The following ROBO1 variants were observed in gnomAD, a reference collection of about 807,000 sequenced individuals.
The protein encoded by ROBO1 is roundabout homolog 1.
A neutral mutation model predicts 195.9 loss-of-function variants in ROBO1; 149 were observed. That is an observed-to-expected ratio of 0.76 (90% CI 0.67 to 0.87). ROBO1 has a LOEUF of 0.87. Ranked by LOEUF, ROBO1 falls within the 40% of genes least tolerant of loss-of-function variation. The probability of loss-of-function intolerance (pLI) is 0.00; values close to 1 mark genes in which losing one functional copy is unlikely to be tolerated. For synonymous variants in ROBO1, 816 were observed against 733.2 expected, an observed-to-expected ratio of 1.11 and a Z score of -1.82; for missense variants, 1,933 against 2,068.3, an observed-to-expected ratio of 0.93 and a Z score of 1.27.
At chr3:79,562,441 G>A (rs1168168203) in intron 2 of ROBO1, among the ~76,000 whole-genome samples, 2 of 152,038 alleles carry the variant, frequency 1.3e-5, no homozygotes, top group African/African-American at 4.8e-5. Flanking sequence ...ATCATCACTG[G>A]TCATTAGAGA....
At chr3:79,420,969 C>T (rs776686300) in intron 2 of ROBO1, among the ~76,000 whole-genome samples, 1 of 152,052 alleles carries the variant, frequency 6.6e-6, no homozygotes, top group Non-Finnish European at 1.5e-5. Context: ...GAAATGAAAT[C>T]AACCTAAACG....
intron 24 of ROBO1, 90 bp downstream of exon 24, chr3:78,633,845 C>A: frequency 1.4e-6 from 1 of 732,858 alleles, no homozygotes; most frequent in South Asian, 2.1e-5. Flanking sequence ...AGACATGTCA[C>A]CTACATACGT....
At chr3:79,401,068 T>G (rs75299588) in intron 2 of ROBO1, among the ~76,000 whole-genome samples, 1 of 151,816 alleles carries the variant, frequency 6.6e-6, no homozygotes, top group Non-Finnish European at 1.5e-5. Context: ...ATATTTAAAT[T>G]TGAGATAAAG....
intron 26 of ROBO1, among the ~76,000 whole-genome samples, chr3:78,625,867 A>G (rs1381282834): frequency 6.6e-6 from 1 of 152,116 alleles, no homozygotes; most frequent in East Asian, 1.9e-4. Context: ...AGTTCAACAA[A>G]ATGAAGCAGC....
At chr3:78,990,652 G>GGTAT (rs1234885521) in intron 3 of ROBO1, among the ~76,000 whole-genome samples, 6 of 151,998 alleles carry the variant, frequency 3.9e-5, no homozygotes, top group African/African-American at 1.4e-4. Flanking sequence ...AAGAGAGTAA[G>GGTAT]GTATGTATAT....
Position 79,239,779 on chromosome 3 carries a change from C to T in ROBO1, c.89-114240G>A, listed in dbSNP as rs149114427. Among the ~76,000 whole-genome samples the T allele has an allele frequency of 2.2e-3, 337 of 152,254 alleles. 1 individual carries two copies. The highest frequency in any genetic ancestry group is 7.1e-3 in the African/African-American group (296 of 41,542). ...CACGTTCCCAAACTGAATATTATTG[C>T]TTAGCACAGCACTTAGTATAAAGCT... is the stretch of plus-strand genomic sequence containing the variant. On this transcript the variant is annotated intron_variant, in intron 2 of 30. Transcript: ENST00000464233.
chr3:79,298,840 A>G (rs1184788611), intron 2 of ROBO1, among the ~76,000 whole-genome samples: 1 of 152,136 alleles, frequency 6.6e-6, no homozygotes, highest in Non-Finnish European at 1.5e-5. Context: ...TCTAGGAAGG[A>G]GTTCATTATT....
chr3:78,947,734 G>C (rs111608864), intron 3 of ROBO1, among the ~76,000 whole-genome samples: 1 of 152,026 alleles, frequency 6.6e-6, no homozygotes, highest in Non-Finnish European at 1.5e-5. Context: ...GAATCCAGGA[G>C]CTGGTTTTTT....
intron 4 of ROBO1, among the ~76,000 whole-genome samples, chr3:78,844,934 G>A (rs2033549933): frequency 6.6e-6 from 1 of 151,974 alleles, no homozygotes; most frequent in African/African-American, 2.4e-5. Flanking sequence ...AACATTTGTG[G>A]ATTTGAAGAC....
chr3:78,615,526 G>GT (rs1366220983), intron 27 of ROBO1, among the ~76,000 whole-genome samples: 1 of 152,100 alleles, frequency 6.6e-6, no homozygotes, highest in Non-Finnish European at 1.5e-5. Flanking sequence ...TAGACATGGC[G>GT]TATTTCAAAG....
chr3:79,151,045 G>T (rs1195716813), intron 2 of ROBO1, among the ~76,000 whole-genome samples: 1 of 151,784 alleles, frequency 6.6e-6, no homozygotes, highest in East Asian at 1.9e-4. Context: ...ACGTGGTAAT[G>T]AATAGGTCTC....
intron 2 of ROBO1, among the ~76,000 whole-genome samples, chr3:79,280,780 C>A (rs966224343): frequency 7.9e-5 from 12 of 152,156 alleles, no homozygotes; most frequent in Non-Finnish European, 1.6e-4. Context: ...GCATTCGATT[C>A]TCATAAGGAG....
At chr3:79,642,694 G>A (rs985573293) in intron 1 of ROBO1, among the ~76,000 whole-genome samples, 2 of 152,038 alleles carry the variant, frequency 1.3e-5, no homozygotes, top group African/African-American at 4.8e-5. Context: ...GAGAGATAAA[G>A]TATGTCCTAG....
chr3:79,555,118 A>T (rs563792396), intron 2 of ROBO1, among the ~76,000 whole-genome samples: 1 of 152,186 alleles, frequency 6.6e-6, no homozygotes, highest in African/African-American at 2.4e-5. Flanking sequence ...TTTCATGAGG[A>T]GTTTGAAGAC....
chr3:79,654,729 T>A (rs1225501814), intron 1 of ROBO1, among the ~76,000 whole-genome samples: 2 of 30,006 alleles, frequency 6.7e-5, no homozygotes, highest in Non-Finnish European at 1.4e-4. Flanking sequence ...TTCTAGTGAT[T>A]TTTTTTCTTC....
At position 78,834,414 on chromosome 3, in the gene ROBO1, G is replaced by A. The variant is rs375053886; in HGVS notation, c.500-87514C>T. 8.8e-4 allele frequency among the ~76,000 whole-genome samples: 132 copies of A among 149,624 alleles called. 3 individuals carry two copies. In the South Asian group the frequency reaches 0.025, roughly 28 times the overall value. ...GAAGGAAAGAATAACTTGATGGTGCGGGGGTCAGAGGAAGTAAATACAAAT... is the reference window on the plus strand; with the variant it reads ...GAAGGAAAGAATAACTTGATGGTGCAGGGGTCAGAGGAAGTAAATACAAAT... On this transcript the variant is annotated intron_variant, in intron 4 of 30. Coordinates refer to ENST00000464233, the MANE Select transcript of ROBO1 (RefSeq NM_002941.4).
intron 4 of ROBO1, among the ~76,000 whole-genome samples, chr3:78,769,772 T>G (rs1398283748): frequency 6.6e-6 from 1 of 152,120 alleles, no homozygotes; most frequent in Non-Finnish European, 1.5e-5. Flanking sequence ...GGTGGTTTGG[T>G]AATGGCGAAT....
intron 8 of ROBO1, among the ~76,000 whole-genome samples, chr3:78,697,876 G>C (rs546449929): frequency 6.6e-6 from 1 of 152,212 alleles, no homozygotes; most frequent in Non-Finnish European, 1.5e-5. Context: ...TAAAGCGAAT[G>C]CATCTACAAT....
chr3:79,731,293 G>T (rs1455269268), intron 1 of ROBO1, among the ~76,000 whole-genome samples: 1 of 152,152 alleles, frequency 6.6e-6, no homozygotes, highest in Non-Finnish European at 1.5e-5. Flanking sequence ...TAATTGTATG[G>T]TATTTTAATG....
Sources: allele counts gnomAD v4.1 joint callset (sites outside exome capture counted in the v4.1 genomes callset), GRCh38; gene constraint gnomAD v4.1.1; transcripts MANE v1.5; gene names NCBI Gene and HGNC (gene_info 2026-07-23, HGNC 2026-07-21).